Variants in BBS9 observed in about 807,000 individuals in gnomAD.
BBS9 encodes Bardet-Biedl syndrome 9.
Under a neutral mutation model 117.7 loss-of-function variants are expected in BBS9, and 89 were observed. The observed-to-expected ratio is 0.76, with a 90% CI of 0.64 to 0.90. The LOEUF (loss-of-function observed/expected upper bound fraction) is 0.90, where lower values mean the gene tolerates loss of function less well. BBS9 is among the 40% of genes least tolerant of loss of function. BBS9 has a pLI of 0.00. For missense variants in BBS9, 982 were observed against 1,042.2 expected, an observed-to-expected ratio of 0.94 and a Z score of 0.80; for synonymous variants, 379 against 370.9, an observed-to-expected ratio of 1.02 and a Z score of -0.25.
chr7:33,527,620 C>T (rs1360208740), intron 20 of BBS9, among the ~76,000 whole-genome samples: 6 of 152,334 alleles, frequency 3.9e-5, no homozygotes, highest in African/African-American at 7.2e-5. Context: ...GCACGGTGCG[C>T]ACACCCACTG....
At chr7:33,274,453 C>T (rs1002893956) in intron 9 of BBS9, among the ~76,000 whole-genome samples, 6 of 152,092 alleles carry the variant, frequency 3.9e-5, no homozygotes, top group Admixed American at 2.6e-4. Flanking sequence ...AATTGAAAAA[C>T]AGAATTCATA....
At chr7:33,522,183 T>A (rs1688156607) in intron 20 of BBS9, among the ~76,000 whole-genome samples, 1 of 152,082 alleles carries the variant, frequency 6.6e-6, no homozygotes, top group Non-Finnish European at 1.5e-5. Flanking sequence ...TCTTTGCTAT[T>A]GTGAATAATG....
chr7:33,547,473 T>G (rs1853588075), intron 21 of BBS9, among the ~76,000 whole-genome samples: 2 of 152,168 alleles, frequency 1.3e-5, no homozygotes, highest in African/African-American at 4.8e-5. Context: ...CTGAATAAAG[T>G]TAGCATTTGA....
In BBS9 at chr7:33,527,274, C is replaced by A. The variant is rs545249613; in HGVS notation, c.2299-6680C>A. On this transcript the variant is annotated intron_variant, in intron 20 of 22. Coordinates refer to ENST00000242067, the MANE Select transcript of BBS9 (RefSeq NM_198428.3). ...GCCTCCTTGAGTTGTGTTGGGCTCCCCCCAGTTCGAGCTTCCTGGCTGCTT... is the reference window on the plus strand; with the variant it reads ...GCCTCCTTGAGTTGTGTTGGGCTCCACCCAGTTCGAGCTTCCTGGCTGCTT... Among the ~76,000 whole-genome samples the A allele has an allele frequency of 3.3e-4, 50 of 152,326 alleles. No homozygotes were observed. In the South Asian group the frequency reaches 3.7e-3, roughly 11 times the overall value.
intron 5 of BBS9, among the ~76,000 whole-genome samples, chr7:33,252,868 T>A (rs553291471): frequency 3.3e-5 from 5 of 152,276 alleles, no homozygotes; most frequent in Admixed American, 2.0e-4. Flanking sequence ...TTAATTTTTT[T>A]ATATTTTTGT....
chr7:33,155,558 T>C, intron 3 of BBS9, 80 bp from the exon 4 acceptor site: 1 of 935,634 alleles, frequency 1.1e-6, no homozygotes, highest in Non-Finnish European at 1.7e-6. Context: ...TTATGAGATC[T>C]TTTTGAAATT....
intron 4 of BBS9, among the ~76,000 whole-genome samples, chr7:33,174,939 C>T (rs979572450): frequency 5.9e-5 from 9 of 152,204 alleles, no homozygotes; most frequent in African/African-American, 9.7e-5. Context: ...ATCCAGAAAG[C>T]CTTCATCCTC....
At chr7:33,524,904 G>C (rs1241085708) in intron 20 of BBS9, among the ~76,000 whole-genome samples, 78 of 152,220 alleles carry the variant, frequency 5.1e-4, no homozygotes, top group Non-Finnish European at 6.0e-4. Flanking sequence ...AAATTTCCCT[G>C]TACGCACTGC....
At chr7:33,174,103 C>A (rs1365636504) in intron 4 of BBS9, among the ~76,000 whole-genome samples, 1 of 152,118 alleles carries the variant, frequency 6.6e-6, no homozygotes, top group East Asian at 1.9e-4. Flanking sequence ...TGATCCTAGA[C>A]CCAGTCCAGT....
At chr7:33,624,088 G>A (rs1463117798) in intron 21 of BBS9, among the ~76,000 whole-genome samples, 4 of 152,128 alleles carry the variant, frequency 2.6e-5, no homozygotes, top group South Asian at 4.1e-4. Flanking sequence ...TTTCCCTCAT[G>A]ATTCTGATAA....
intron 4 of BBS9, among the ~76,000 whole-genome samples, chr7:33,171,319 TC>T (rs1385232026): frequency 2.0e-5 from 3 of 151,990 alleles, no homozygotes; most frequent in Non-Finnish European, 4.4e-5. Context: ...AACTATCTGA[TC>T]TTTGACAAAC....
At chr7:33,229,970 A>G (rs1295237725) in intron 5 of BBS9, among the ~76,000 whole-genome samples, 4 of 152,128 alleles carry the variant, frequency 2.6e-5, no homozygotes, top group Admixed American at 2.6e-4. Flanking sequence ...GTGAGGAACT[A>G]TCTCATAGTG....
At chr7:33,231,671 G>T (rs1413333804) in intron 5 of BBS9, among the ~76,000 whole-genome samples, 4 of 151,932 alleles carry the variant, frequency 2.6e-5, no homozygotes, top group Admixed American at 2.6e-4. Flanking sequence ...AAAGAAGTAG[G>T]TAATTTAGAT....
intron 19 of BBS9, among the ~76,000 whole-genome samples, chr7:33,391,185 G>A (rs1203884437): frequency 6.6e-6 from 1 of 152,054 alleles, no homozygotes; most frequent in African/African-American, 2.4e-5. Context: ...TGCCTAGGTA[G>A]GGAGCATGAT....
intron 20 of BBS9, among the ~76,000 whole-genome samples, chr7:33,515,274 C>T (rs2129032314): frequency 6.6e-6 from 1 of 152,342 alleles, no homozygotes; most frequent in South Asian, 2.1e-4. Context: ...ATACAAGCAA[C>T]ATAAACTGAG....
intron 17 of BBS9, 51 bp downstream of exon 17, chr7:33,367,913 C>T (rs767596070): frequency 2.3e-5 from 32 of 1,396,752 alleles, no homozygotes; most frequent in Non-Finnish European, 3.1e-5. Flanking sequence ...CTAAGGATAC[C>T]ACATCACAGA....
At chr7:33,137,676 G>A (rs1412918189) in intron 1 of BBS9, among the ~76,000 whole-genome samples, 1 of 152,214 alleles carries the variant, frequency 6.6e-6, no homozygotes, top group African/African-American at 2.4e-5. Context: ...TTTGAAACTG[G>A]AGAGACGCAC....
At position 33,595,984 on chromosome 7, in the gene BBS9, A is replaced by C. The variant is rs188805290; in HGVS notation, c.2522-8881A>C. 3.3e-5 allele frequency among the ~76,000 whole-genome samples: 5 copies of C among 152,112 alleles called. No individual in the cohort carries two copies. In the East Asian group the frequency reaches 9.7e-4, roughly 30 times the overall value. Reference sequence around the variant, plus strand: ...GGAGTGGAACAGTGAGAACACATGGACACAAGGAGGGGAACAACACACACT... The same window carrying C: ...GGAGTGGAACAGTGAGAACACATGGCCACAAGGAGGGGAACAACACACACT... On this transcript the variant is annotated intron_variant, in intron 21 of 22. Coordinates refer to ENST00000242067, the MANE Select transcript of BBS9 (RefSeq NM_198428.3).
At chr7:33,630,736 A>G (rs1339295325) in intron 21 of BBS9, among the ~76,000 whole-genome samples, 4 of 152,138 alleles carry the variant, frequency 2.6e-5, no homozygotes, top group Non-Finnish European at 4.4e-5. Context: ...CCTACCTGCC[A>G]TGCATACCTT....
Sources: gnomAD v4.1 joint callset for allele counts (sites outside exome capture counted in the v4.1 genomes callset) on GRCh38, gnomAD v4.1.1 for gene constraint, MANE v1.5 for transcripts, NCBI Gene and HGNC (gene_info 2026-07-23, HGNC 2026-07-21) for gene names.